IGF2BP3: variants seen among roughly 807,000 people sequenced by gnomAD.
IGF2BP3 encodes insulin like growth factor 2 mRNA binding protein 3, also known as insulin-like growth factor 2 mRNA-binding protein 3.
A neutral mutation model predicts 73.8 loss-of-function variants in IGF2BP3; 9 were observed. That is an observed-to-expected ratio of 0.12 (90% confidence interval 0.07 to 0.21). The LOEUF (loss-of-function observed/expected upper bound fraction) is 0.21, where lower values mean the gene tolerates loss of function less well. Ranked by LOEUF, IGF2BP3 falls within the 10% of genes least tolerant of loss-of-function variation. The pLI is 1.00. For missense variants in IGF2BP3, 542 were observed against 714.0 expected, an observed-to-expected ratio of 0.76 and a Z score of 2.75; for synonymous variants, 258 against 256.7, an observed-to-expected ratio of 1.01 and a Z score of -0.05.
chr7:23,392,160 G>A (rs1200887875), intron 3 of IGF2BP3, among the ~76,000 whole-genome samples: 1 of 152,166 alleles, frequency 6.6e-6, no homozygotes, highest in African/African-American at 2.4e-5. Flanking sequence ...ATTCATGAAT[G>A]TTGTAAACTG....
chr7:23,410,217 TGTG>T (rs1410064586), intron 3 of IGF2BP3, among the ~76,000 whole-genome samples: 3 of 151,398 alleles, frequency 2.0e-5, no homozygotes, highest in African/African-American at 7.3e-5. Context: ...AATAGCCAGG[TGTG>T]GTGGTATGCA....
intron 7 of IGF2BP3, among the ~76,000 whole-genome samples, chr7:23,346,971 T>C (rs1056588421): frequency 1.3e-5 from 2 of 152,200 alleles, no homozygotes; most frequent in African/African-American, 2.4e-5. Context: ...CACCCACATA[T>C]AATATTACTA....
chr7:23,335,568 C>T (rs1374830776), intron 10 of IGF2BP3, among the ~76,000 whole-genome samples: 3 of 152,036 alleles, frequency 2.0e-5, no homozygotes, highest in Non-Finnish European at 2.9e-5. Context: ...TAAACCACCG[C>T]GCCTGGCCCT....
intron 3 of IGF2BP3, among the ~76,000 whole-genome samples, chr7:23,389,774 C>T (rs1271172526): frequency 6.6e-6 from 1 of 150,544 alleles, no homozygotes; most frequent in African/African-American, 2.4e-5. Context: ...CAGGAGGATC[C>T]CTTGAGGTCA....
Position 23,418,880 on chromosome 7 carries a change from A to G in IGF2BP3, c.237-56T>C, listed in dbSNP as rs1787267216. 8 of 1,095,702 alleles carry G rather than the reference A, an allele frequency of 7.3e-6. No individual in the cohort carries two copies. The South Asian group carries it at 1.0e-4, about 14-fold the overall frequency. 67.9% of individuals were successfully genotyped at this position (1,095,702 alleles called of 1,614,324 possible). On this transcript the variant is annotated intron_variant, in intron 2 of 14. Transcript: ENST00000258729. ...AAAAAAACATAAAAGCAAAACAATA[A>G]TAGCCAACATGGAAGTTTAGAAACT...
intron 10 of IGF2BP3, among the ~76,000 whole-genome samples, chr7:23,327,682 A>C (rs586980): frequency 0.039 from 5,873 of 152,242 alleles, 185 homozygotes; most frequent in South Asian, 0.11. Context: ...CCGTTTTCAA[A>C]AATCAGCCAA....
At chr7:23,398,366 T>C (rs1256590790) in intron 3 of IGF2BP3, among the ~76,000 whole-genome samples, 4 of 152,244 alleles carry the variant, frequency 2.6e-5, no homozygotes, top group Non-Finnish European at 5.9e-5. Context: ...AGTGCCACAA[T>C]AAACATATGT....
chr7:23,454,432 C>T lies in IGF2BP3; in HGVS notation c.236+14050G>A, dbSNP rs554826795. Among the ~76,000 whole-genome samples the T allele has an allele frequency of 9.9e-5, 15 of 152,246 alleles. No individual in the cohort carries two copies. In the East Asian group the frequency reaches 2.5e-3, roughly 25 times the overall value. On this transcript the variant is annotated intron_variant, in intron 2 of 14. Coordinates refer to ENST00000258729, the MANE Select transcript of IGF2BP3 (RefSeq NM_006547.3). ...TATATGAAACATAAACCATAAACCA[C>T]GGGGTCATACGGGAATAGGCACACC...
chr7:23,377,427 T>C (rs1785763130), intron 3 of IGF2BP3, among the ~76,000 whole-genome samples: 1 of 152,198 alleles, frequency 6.6e-6, no homozygotes, highest in Non-Finnish European at 1.5e-5. Context: ...AAGTGACTTA[T>C]CGCTTCACAC....
At chr7:23,377,401 A>G (rs906556206) in intron 3 of IGF2BP3, among the ~76,000 whole-genome samples, 18 of 152,234 alleles carry the variant, frequency 1.2e-4, no homozygotes, top group African/African-American at 4.1e-4. Context: ...TCAGTAGGGT[A>G]ACAGAAATCA....
rs867025737 is a variant in IGF2BP3 at position 23,317,860 on chromosome 7, G to A, written c.1321-147C>T. The A allele has an allele frequency of 8.9e-6, 6 of 670,918 alleles. No individual in the cohort carries two copies. The Middle Eastern group carries it at 1.4e-3, about 161-fold the overall frequency. 41.6% of individuals were successfully genotyped at this position (670,918 alleles called of 1,614,324 possible). On this transcript the variant is annotated intron_variant, in intron 11 of 14. Transcript: ENST00000258729. ...AAATTAGGGAGAGGCAGCAATTCCT[G>A]TGGGTTCACAATTTAGGCCTCCCTC... is the stretch of plus-strand genomic sequence containing the variant.
chr7:23,396,697 T>C (rs946270462), intron 3 of IGF2BP3, among the ~76,000 whole-genome samples: 39 of 151,734 alleles, frequency 2.6e-4, no homozygotes, highest in African/African-American at 8.5e-4. Context: ...AATAAGACTG[T>C]TGGGGGGGAA....
chr7:23,385,736 AT>A (rs61099833), intron 3 of IGF2BP3, among the ~76,000 whole-genome samples: 61 of 147,466 alleles, frequency 4.1e-4, no homozygotes, highest in Admixed American at 7.5e-4. Flanking sequence ...TTTTTTTATT[AT>A]TTTTTTTTTT....
chr7:23,408,864 C>T (rs971860980), intron 3 of IGF2BP3, among the ~76,000 whole-genome samples: 1 of 152,164 alleles, frequency 6.6e-6, no homozygotes, highest in Non-Finnish European at 1.5e-5. Flanking sequence ...GAATACTACA[C>T]TTAACTTTCA....
intron 5 of IGF2BP3, among the ~76,000 whole-genome samples, chr7:23,360,008 C>T (rs1358720831): frequency 6.6e-6 from 1 of 151,348 alleles, no homozygotes; most frequent in African/African-American, 2.4e-5. Context: ...TGTGTTTAAA[C>T]ATATTAAAAG....
At chr7:23,343,881 A>G in intron 8 of IGF2BP3, 28 bp from the exon 9 acceptor site, 2 of 1,601,112 alleles carry the variant, frequency 1.2e-6, no homozygotes, top group Non-Finnish European at 8.5e-7. Flanking sequence ...AGGGAAAGAA[A>G]AAGAATGAAA....
intron 3 of IGF2BP3, among the ~76,000 whole-genome samples, chr7:23,399,310 G>A (rs1290529457): frequency 1.3e-5 from 2 of 151,770 alleles, no homozygotes; most frequent in African/African-American, 4.8e-5. Context: ...GAGTTAATGG[G>A]TGCAGCACAC....
At chr7:23,318,785 T>C (rs1283695294) in intron 11 of IGF2BP3, among the ~76,000 whole-genome samples, 2 of 152,118 alleles carry the variant, frequency 1.3e-5, no homozygotes, top group Non-Finnish European at 2.9e-5. Flanking sequence ...TATGTTCTCC[T>C]CTCCTACTGG....
chr7:23,347,384 C>T (rs1477792562), intron 7 of IGF2BP3, among the ~76,000 whole-genome samples: 1 of 152,052 alleles, frequency 6.6e-6, no homozygotes, highest in Admixed American at 6.6e-5. Context: ...TTCTCTTCCC[C>T]GTTATCACCA....
Sources: allele counts gnomAD v4.1 joint callset (sites outside exome capture counted in the v4.1 genomes callset), GRCh38; gene constraint gnomAD v4.1.1; transcripts MANE v1.5; gene names NCBI Gene and HGNC (gene_info 2026-07-23, HGNC 2026-07-21).